The following WWOX variants were observed in gnomAD, a reference collection of about 807,000 sequenced individuals.
The protein encoded by WWOX is WW domain containing oxidoreductase, also known as WW domain-containing oxidoreductase.
WWOX carries 69 observed loss-of-function variants against 46.2 expected under a neutral mutation model. The ratio of observed to expected loss-of-function variants is 1.49; its 90% CI spans 1.23 to 1.82. The LOEUF (loss-of-function observed/expected upper bound fraction) is 1.82, where lower values mean the gene tolerates loss of function less well. WWOX is among the 40% of genes most tolerant of loss of function. The pLI, the probability that WWOX is intolerant of heterozygous loss-of-function variation, is 0.00. For synonymous variants in WWOX, 359 were observed against 202.6 expected (o/e 1.77, Z -6.56); for missense variants, 919 against 542.6 (o/e 1.69, Z -6.89).
At chr16:79,155,332 CG>C (rs1208539159) in intron 8 of WWOX, among the ~76,000 whole-genome samples, 7 of 152,034 alleles carry the variant, frequency 4.6e-5, no homozygotes, top group African/African-American at 1.7e-4. Flanking sequence ...GCTGAGATCA[CG>C]CCATTGCACT....
intron 8 of WWOX, chr16:78,897,828 C>G (rs967559378): frequency 6.6e-6 from 1 of 152,130 alleles, no homozygotes; most frequent in African/African-American, 2.4e-5. Context: ...TCCTCATCAG[C>G]ACTTTGTAAT....
intron 8 of WWOX, among the ~76,000 whole-genome samples, chr16:78,645,927 C>T (rs568492918): frequency 1.3e-5 from 2 of 152,164 alleles, no homozygotes; most frequent in African/African-American, 4.8e-5. Flanking sequence ...GCCACATCTT[C>T]CATCCTTAAA....
intron 8 of WWOX, among the ~76,000 whole-genome samples, chr16:79,160,556 GGTGAA>G (rs1401792026): frequency 6.6e-6 from 1 of 152,156 alleles, no homozygotes; most frequent in Non-Finnish European, 1.5e-5. Context: ...TAAATTCTGA[GGTGAA>G]GTGGAGGCAT....
At chr16:79,087,003 C>A (rs994105589) in intron 8 of WWOX, among the ~76,000 whole-genome samples, 1 of 152,186 alleles carries the variant, frequency 6.6e-6, no homozygotes, top group Non-Finnish European at 1.5e-5. Flanking sequence ...GAGAGGCAGC[C>A]TAGGGAATGG....
At chr16:78,155,331 G>A (rs2034561659) in intron 4 of WWOX, among the ~76,000 whole-genome samples, 1 of 152,162 alleles carries the variant, frequency 6.6e-6, no homozygotes, top group African/African-American at 2.4e-5. Context: ...AGGTCTGTGG[G>A]CTTGACTTGT....
chr16:78,416,254 G>C (rs2082795324), intron 6 of WWOX, among the ~76,000 whole-genome samples: 1 of 152,122 alleles, frequency 6.6e-6, no homozygotes, highest in African/African-American at 2.4e-5. Context: ...CTTTTGAATT[G>C]CAATGGCTTT....
intron 5 of WWOX, among the ~76,000 whole-genome samples, chr16:78,260,092 G>A (rs555149361): frequency 1.3e-5 from 2 of 151,160 alleles, no homozygotes; most frequent in East Asian, 1.9e-4. Context: ...GAATCAGCTC[G>A]ATGCCTCTTG....
At chr16:79,159,553 T>C (rs1025112554) in intron 8 of WWOX, among the ~76,000 whole-genome samples, 11 of 152,244 alleles carry the variant, frequency 7.2e-5, no homozygotes, top group Admixed American at 2.0e-4. Context: ...GATGCTGGAA[T>C]TGGAAAATGC....
At chr16:78,296,311 C>G (rs999005938) in intron 5 of WWOX, among the ~76,000 whole-genome samples, 2 of 151,850 alleles carry the variant, frequency 1.3e-5, no homozygotes, top group African/African-American at 4.8e-5. Context: ...TTAAAAAAAA[C>G]TCCTGAAATG....
At chr16:78,857,619 G>C (rs1452407159) in intron 8 of WWOX, among the ~76,000 whole-genome samples, 2 of 152,114 alleles carry the variant, frequency 1.3e-5, no homozygotes, top group Non-Finnish European at 2.9e-5. Context: ...TTTGTATCTA[G>C]CCTAACATTG....
At chr16:78,704,769 C>T (rs941529399) in intron 8 of WWOX, among the ~76,000 whole-genome samples, 2 of 152,092 alleles carry the variant, frequency 1.3e-5, no homozygotes, top group Non-Finnish European at 1.5e-5. Flanking sequence ...CTGTTGACTC[C>T]TTTCTTTCAG....
chr16:78,815,258 G>C (rs969356764), intron 8 of WWOX, among the ~76,000 whole-genome samples: 3 of 151,936 alleles, frequency 2.0e-5, no homozygotes, highest in Admixed American at 1.3e-4. Flanking sequence ...CTCGGAGATG[G>C]AGGTTGCAGT....
At position 78,835,461 on chromosome 16, in the gene WWOX, A is replaced by G. The variant is rs544919385; in HGVS notation, c.1057-376147A>G. 2.8e-4 allele frequency among the ~76,000 whole-genome samples: 42 copies of G among 152,362 alleles called. 1 individual carries two copies. The highest frequency in any genetic ancestry group is 5.9e-4 in the Admixed American group (9 of 15,306). Reference sequence around the variant, plus strand: ...TGTTACAAGCGCCCATGAGCATGTTAGTAGAGCAGTTGTGTGTTGAAGAAA... The same window carrying G: ...TGTTACAAGCGCCCATGAGCATGTTGGTAGAGCAGTTGTGTGTTGAAGAAA... On this transcript the variant is annotated intron_variant, in intron 8 of 8. Coordinates refer to ENST00000566780, the MANE Select transcript of WWOX (RefSeq NM_016373.4).
chr16:78,362,096 T>G (rs1462395336), intron 5 of WWOX, among the ~76,000 whole-genome samples: 1 of 151,994 alleles, frequency 6.6e-6, no homozygotes, highest in African/African-American at 2.4e-5. Flanking sequence ...CTCACTACAT[T>G]CTTCCTCACT....
intron 8 of WWOX, among the ~76,000 whole-genome samples, chr16:78,830,023 T>G (rs539730943): frequency 1.3e-5 from 2 of 152,260 alleles, no homozygotes; most frequent in East Asian, 3.9e-4. Context: ...TTTGGGAGTC[T>G]GAAGTGGTAG....
At chr16:78,185,475 C>G (rs1338214747) in intron 5 of WWOX, among the ~76,000 whole-genome samples, 2 of 150,072 alleles carry the variant, frequency 1.3e-5, no homozygotes, top group Non-Finnish European at 3.0e-5. Flanking sequence ...TCAAGTTGAA[C>G]TGTGAACTGT....
intron 4 of WWOX, among the ~76,000 whole-genome samples, chr16:78,122,255 A>G (rs8060679): frequency 0.26 from 40,119 of 152,088 alleles, 5,346 homozygotes; most frequent in Non-Finnish European, 0.29. Flanking sequence ...AGGGGGGGCT[A>G]CTGTCAGTGT....
intron 8 of WWOX, among the ~76,000 whole-genome samples, chr16:78,586,838 GGTTT>G (rs1400701598): frequency 4.6e-5 from 7 of 152,160 alleles, no homozygotes; most frequent in South Asian, 2.1e-4. Context: ...TTCAGACTCA[GGTTT>G]GTTTAAGTCC....
At chr16:78,709,217 C>T (rs1269547890) in intron 8 of WWOX, among the ~76,000 whole-genome samples, 1 of 152,180 alleles carries the variant, frequency 6.6e-6, no homozygotes, top group Non-Finnish European at 1.5e-5. Flanking sequence ...GGAAAGCCCC[C>T]AGCCCTCCTG....
Sources: allele counts gnomAD v4.1 joint callset (sites outside exome capture counted in the v4.1 genomes callset), GRCh38; gene constraint gnomAD v4.1.1; transcripts MANE v1.5; gene names NCBI Gene and HGNC (gene_info 2026-07-23, HGNC 2026-07-21).